NARS2: variants seen among roughly 807,000 people sequenced by gnomAD.
The protein encoded by NARS2 is asparaginyl-tRNA synthetase.
In NARS2, 60 loss-of-function variants were observed where a neutral mutation model predicts 62.9. The ratio of observed to expected loss-of-function variants is 0.95; its 90% CI spans 0.77 to 1.18. The LOEUF (loss-of-function observed/expected upper bound fraction) is 1.18. Ranked by LOEUF, NARS2 falls within the 50% of genes most tolerant of loss-of-function variation. NARS2 has a pLI of 0.00. For synonymous variants in NARS2, 196 were observed against 200.0 expected, an observed-to-expected ratio of 0.98 and a Z score of 0.17; for missense variants, 619 against 576.4, an observed-to-expected ratio of 1.07 and a Z score of -0.76.
At chr11:78,551,315 C>T (rs1464499308) in intron 5 of NARS2, among the ~76,000 whole-genome samples, 1 of 152,156 alleles carries the variant, frequency 6.6e-6, no homozygotes, top group African/African-American at 2.4e-5. Context: ...AGGCTACAAA[C>T]CTGTATAACA....
At chr11:78,547,575 C>T (rs1015645405) in intron 5 of NARS2, among the ~76,000 whole-genome samples, 4 of 152,080 alleles carry the variant, frequency 2.6e-5, no homozygotes, top group Non-Finnish European at 5.9e-5. Context: ...TGGTGGCTCA[C>T]GCCTGTAATC....
chr11:78,466,398 T>C (rs1044301035), intron 10 of NARS2, among the ~76,000 whole-genome samples: 1 of 152,150 alleles, frequency 6.6e-6, no homozygotes, highest in African/African-American at 2.4e-5. Context: ...TTCCACGTTA[T>C]TGTTCCTAAG....
intron 13 of NARS2, among the ~76,000 whole-genome samples, chr11:78,437,169 T>C (rs1243176971): frequency 6.6e-6 from 1 of 152,228 alleles, no homozygotes; most frequent in East Asian, 1.9e-4. Context: ...CTTTTATTTC[T>C]TGGTAGGTTA....
chr11:78,528,314 C>T (rs1187948801), intron 6 of NARS2, among the ~76,000 whole-genome samples: 2 of 152,042 alleles, frequency 1.3e-5, no homozygotes, highest in Admixed American at 6.6e-5. Flanking sequence ...TTCTCAATCC[C>T]GTTTTAAAGA....
chr11:78,478,462 T>C lies in NARS2; in HGVS notation c.935A>G (p.His312Arg), dbSNP rs1365485817. The C allele has an allele frequency of 4.5e-6, 5 of 1,120,154 alleles. No homozygotes were observed. The highest frequency in any genetic ancestry group is 3.7e-6 in the Non-Finnish European group (3 of 803,204). The allele number at this position is 1,120,154 out of a possible 1,614,324, so 69.4% of individuals were successfully genotyped here. ...IAPGQKDRLE[H>R]MLKNNFLIIS... ...CATTAAAAAGTTGTTTTTTAGCATA[T>C]GTTCTAATCTGTCCTTAATAAAAAG... The change falls in exon 9 of 14, where the codon CAT (histidine) becomes CGT (arginine). Residue 312 changes from histidine (H) to arginine (R), a missense_variant. By Grantham distance (29) the His-to-Arg change is conservative. Transcript: ENST00000281038.
chr11:78,481,861 C>A (rs944784752), intron 7 of NARS2, among the ~76,000 whole-genome samples: 6 of 152,144 alleles, frequency 3.9e-5, no homozygotes, highest in African/African-American at 1.4e-4. Flanking sequence ...GGGGACAGCA[C>A]ACTTTTTTCT....
chr11:78,543,102 C>T (rs146454410), intron 5 of NARS2, among the ~76,000 whole-genome samples: 2,100 of 152,182 alleles, frequency 0.014, 51 homozygotes, highest in African/African-American at 0.047. Context: ...TGCTTGAACC[C>T]AGGAGGCAGA....
At chr11:78,540,587 T>C (rs1390344224) in intron 5 of NARS2, among the ~76,000 whole-genome samples, 2 of 152,250 alleles carry the variant, frequency 1.3e-5, no homozygotes, top group Admixed American at 6.5e-5. Flanking sequence ...TTTACCCAGT[T>C]CTATTTACTC....
intron 6 of NARS2, among the ~76,000 whole-genome samples, chr11:78,522,008 C>A (rs1267697739): frequency 2.0e-5 from 3 of 152,144 alleles, no homozygotes; most frequent in African/African-American, 7.2e-5. Flanking sequence ...TGCTGGAGTG[C>A]AGTGGCATAA....
intron 11 of NARS2, among the ~76,000 whole-genome samples, chr11:78,465,594 T>C (rs1293526552): frequency 6.6e-6 from 1 of 152,094 alleles, no homozygotes; most frequent in Non-Finnish European, 1.5e-5. Flanking sequence ...TCTCAGTCAT[T>C]ACAAAACAAA....
rs375986160 is a variant in NARS2, at chr11:78,471,757, T to C, written c.960-2444A>G. On this transcript the variant is annotated intron_variant, in intron 9 of 13. Coordinates refer to ENST00000281038, the MANE Select transcript of NARS2 (RefSeq NM_024678.6). ...TGTCCATGTGATCTCATTGTTCAAT[T>C]CCCACCTATGAGTGAGAATATGCGG... is the stretch of plus-strand genomic sequence containing the variant. Among the ~76,000 whole-genome samples the C allele has an allele frequency of 5.1e-4, 75 of 146,642 alleles. No homozygotes were observed. The East Asian group carries it at 0.012, about 23-fold the overall frequency.
chr11:78,481,230 C>T (rs187298166), intron 7 of NARS2, among the ~76,000 whole-genome samples: 80 of 152,228 alleles, frequency 5.3e-4, no homozygotes, highest in African/African-American at 1.6e-3. Context: ...AAGAAAACCA[C>T]ATGAATCCAA....
intron 5 of NARS2, among the ~76,000 whole-genome samples, chr11:78,549,581 T>G (rs1856016476): frequency 6.6e-6 from 1 of 152,198 alleles, no homozygotes; most frequent in African/African-American, 2.4e-5. Flanking sequence ...AAGAGCCTTT[T>G]TGGGGTCAGA....
At chr11:78,479,698 T>C (rs1859265748) in intron 7 of NARS2, among the ~76,000 whole-genome samples, 1 of 152,212 alleles carries the variant, frequency 6.6e-6, no homozygotes. Context: ...TTCATAAAGG[T>C]GCACATATGT....
intron 6 of NARS2, among the ~76,000 whole-genome samples, chr11:78,496,414 C>A (rs1451444615): frequency 2.0e-5 from 3 of 152,124 alleles, no homozygotes; most frequent in Non-Finnish European, 4.4e-5. Context: ...TGTATTAATA[C>A]ACTTATCTTC....
chr11:78,544,159 C>T (rs773205962), intron 5 of NARS2, among the ~76,000 whole-genome samples: 2 of 151,966 alleles, frequency 1.3e-5, no homozygotes, highest in Non-Finnish European at 2.9e-5. Context: ...TTCTCTTCTT[C>T]TGTACCTCTC....
At chr11:78,472,158 A>C (rs1004256761) in intron 9 of NARS2, among the ~76,000 whole-genome samples, 3 of 152,176 alleles carry the variant, frequency 2.0e-5, no homozygotes, top group Non-Finnish European at 4.4e-5. Flanking sequence ...TTCAAATTAC[A>C]GTTCTGACAT....
At chr11:78,474,453 T>C (rs1341254821) in intron 9 of NARS2, among the ~76,000 whole-genome samples, 1 of 152,234 alleles carries the variant, frequency 6.6e-6, no homozygotes, top group African/African-American at 2.4e-5. Flanking sequence ...TGTTAAAAAA[T>C]AATAATTTAC....
At chr11:78,542,951 G>C (rs1181016814) in intron 5 of NARS2, among the ~76,000 whole-genome samples, 2 of 152,206 alleles carry the variant, frequency 1.3e-5, no homozygotes, top group East Asian at 3.8e-4. Flanking sequence ...TTGCTGCAAG[G>C]AGGAAGTTAA....
Sources: gnomAD v4.1 joint callset for allele counts (sites outside exome capture counted in the v4.1 genomes callset) on GRCh38, gnomAD v4.1.1 for gene constraint, MANE v1.5 for transcripts, NCBI Gene and HGNC (gene_info 2026-07-23, HGNC 2026-07-21) for gene names.